RAPGEF4: variants seen among roughly 807,000 people sequenced by gnomAD.
The protein encoded by RAPGEF4 is RAP guanine-nucleotide-exchange factor (GEF) 4.
RAPGEF4 carries 66 observed loss-of-function variants against 147.9 expected under a neutral mutation model. The observed-to-expected ratio is 0.45, with a 90% CI of 0.37 to 0.55. RAPGEF4 has a LOEUF of 0.55. RAPGEF4 is among the 20% of genes least tolerant of loss of function. The probability of loss-of-function intolerance (pLI) is 0.00; values close to 1 mark genes in which losing one functional copy is unlikely to be tolerated. For missense variants in RAPGEF4, 1,071 were observed against 1,257.3 expected (o/e 0.85, Z 2.24); for synonymous variants, 419 against 442.7 (o/e 0.95, Z 0.67).
At chr2:172,849,082 T>G (rs1692538640) in intron 4 of RAPGEF4, among the ~76,000 whole-genome samples, 1 of 152,032 alleles carries the variant, frequency 6.6e-6, no homozygotes, top group African/African-American at 2.4e-5. Flanking sequence ...TTCTTTTTTT[T>G]TTTTTTAGCA....
chr2:172,977,950 G>C (rs909779314), intron 10 of RAPGEF4, among the ~76,000 whole-genome samples: 1 of 152,204 alleles, frequency 6.6e-6, no homozygotes, highest in Non-Finnish European at 1.5e-5. Context: ...TCAGACCACA[G>C]GGTTGGGGTT....
intron 6 of RAPGEF4, among the ~76,000 whole-genome samples, chr2:172,950,067 T>A (rs1381569290): frequency 2.6e-5 from 4 of 152,258 alleles, no homozygotes; most frequent in African/African-American, 9.6e-5. Flanking sequence ...TACTTAGGTT[T>A]TAACATCCCA....
intron 6 of RAPGEF4, among the ~76,000 whole-genome samples, chr2:172,945,986 A>G (rs1288763141): frequency 6.6e-6 from 1 of 152,230 alleles, no homozygotes; most frequent in East Asian, 1.9e-4. Flanking sequence ...TTCTGAGAAG[A>G]TAATTCCAAA....
intron 10 of RAPGEF4, among the ~76,000 whole-genome samples, chr2:172,980,798 T>G (rs1427921404): frequency 6.6e-6 from 1 of 152,134 alleles, no homozygotes; most frequent in Non-Finnish European, 1.5e-5. Context: ...TGTTGAGATT[T>G]GTAGATCCAA....
intron 4 of RAPGEF4, among the ~76,000 whole-genome samples, chr2:172,893,272 C>A (rs1228510291): frequency 6.6e-6 from 1 of 152,200 alleles, no homozygotes; most frequent in East Asian, 1.9e-4. Context: ...GATGCCTGGG[C>A]AAAGGCAGGG....
At chr2:172,877,357 G>T (rs1696077296) in intron 4 of RAPGEF4, among the ~76,000 whole-genome samples, 1 of 151,954 alleles carries the variant, frequency 6.6e-6, no homozygotes. Context: ...TCACACATTG[G>T]GTCCTGTCAG....
At chr2:172,996,601 A>C in intron 16 of RAPGEF4, 47 bp downstream of exon 16, 1 of 1,312,284 alleles carries the variant, frequency 7.6e-7, no homozygotes, top group African/African-American at 1.5e-5. Context: ...CATGCATAGC[A>C]TTGTTTAAAA....
chr2:172,866,857 A>G (rs1694706082), intron 4 of RAPGEF4, among the ~76,000 whole-genome samples: 1 of 152,044 alleles, frequency 6.6e-6, no homozygotes. Flanking sequence ...ATTCTTCGAT[A>G]GTCTAGTGTT....
intron 4 of RAPGEF4, among the ~76,000 whole-genome samples, chr2:172,885,479 C>T (rs561163821): frequency 6.6e-6 from 1 of 152,294 alleles, no homozygotes; most frequent in African/African-American, 2.4e-5. Context: ...AAAGACATAC[C>T]TGAGACTGGG....
intron 9 of RAPGEF4, 120 bp from the exon 10 acceptor site, chr2:172,967,141 G>A: frequency 1.0e-6 from 1 of 964,776 alleles, no homozygotes; most frequent in Non-Finnish European, 1.5e-6. Context: ...AGAAGGGCGA[G>A]GAGGCTCCCG....
At chr2:173,001,392 C>G in intron 17 of RAPGEF4, 48 bp downstream of exon 17, 1 of 1,610,724 alleles carries the variant, frequency 6.2e-7, no homozygotes, top group Non-Finnish European at 8.5e-7. Context: ...GAAGACAACC[C>G]CCCCTATCGA....
intron 6 of RAPGEF4, among the ~76,000 whole-genome samples, chr2:172,950,369 A>C (rs1466889302): frequency 6.6e-6 from 1 of 152,214 alleles, no homozygotes; most frequent in African/African-American, 2.4e-5. Context: ...GAATAAGGAT[A>C]AGGATTGATC....
intron 10 of RAPGEF4, among the ~76,000 whole-genome samples, chr2:172,973,531 C>T (rs572031373): frequency 1.1e-4 from 16 of 152,274 alleles, no homozygotes; most frequent in African/African-American, 3.6e-4. Flanking sequence ...GGAAAGTTCC[C>T]GCAGGGAACT....
intron 22 of RAPGEF4, 46 bp downstream of exon 22, chr2:173,018,848 C>A (rs780832945): frequency 8.2e-6 from 13 of 1,591,526 alleles, no homozygotes; most frequent in Middle Eastern, 1.7e-4. Context: ...ATGGGACATT[C>A]CATCCAAGCA....
At chr2:172,909,593 C>T (rs150739065) in intron 4 of RAPGEF4, among the ~76,000 whole-genome samples, 2,703 of 152,172 alleles carry the variant, frequency 0.018, 89 homozygotes, top group South Asian at 0.12. Context: ...CCTCCACAGC[C>T]GGAGTGTGGA....
intron 4 of RAPGEF4, among the ~76,000 whole-genome samples, chr2:172,865,149 C>T (rs1256388330): frequency 6.6e-6 from 1 of 152,182 alleles, no homozygotes; most frequent in Admixed American, 6.5e-5. Flanking sequence ...GCACATCCAT[C>T]GCCGCCAACC....
At chr2:172,839,110 C>T (rs1028266281) in intron 4 of RAPGEF4, among the ~76,000 whole-genome samples, 5 of 151,894 alleles carry the variant, frequency 3.3e-5, no homozygotes, top group African/African-American at 1.2e-4. Flanking sequence ...ATAAATACAT[C>T]GTGAATATTA....
chr2:172,834,661 TA>T (rs1476057508), intron 4 of RAPGEF4, among the ~76,000 whole-genome samples: 1 of 152,206 alleles, frequency 6.6e-6, no homozygotes, highest in Non-Finnish European at 1.5e-5. Context: ...GTTTTCAGAT[TA>T]GGGGTAAACA....
chr2:173,019,876 C>T (rs1161850659), intron 22 of RAPGEF4, among the ~76,000 whole-genome samples: 1 of 152,156 alleles, frequency 6.6e-6, no homozygotes, highest in Non-Finnish European at 1.5e-5. Context: ...CACAAGCTTC[C>T]TAGACCCCAC....
Sources: gnomAD v4.1 joint callset for allele counts (sites outside exome capture counted in the v4.1 genomes callset) on GRCh38, gnomAD v4.1.1 for gene constraint, MANE v1.5 for transcripts, NCBI Gene and HGNC (gene_info 2026-07-23, HGNC 2026-07-21) for gene names.